The following NUP155 variants were observed in gnomAD, a reference collection of about 807,000 sequenced individuals.
NUP155 encodes nuclear pore complex protein Nup155.
In NUP155, 71 loss-of-function variants were observed where a neutral mutation model predicts 180.4. The ratio of observed to expected loss-of-function variants is 0.39; its 90% CI spans 0.33 to 0.48. NUP155 has a LOEUF of 0.48. NUP155 is among the 20% of genes least tolerant of loss of function. The pLI is 0.91. For missense variants in NUP155, 1,553 were observed against 1,648.9 expected, an observed-to-expected ratio of 0.94 and a Z score of 1.01; for synonymous variants, 582 against 559.5, an observed-to-expected ratio of 1.04 and a Z score of -0.57.
At chr5:37,346,358 T>C (rs920841787) in intron 9 of NUP155, among the ~76,000 whole-genome samples, 2 of 152,086 alleles carry the variant, frequency 1.3e-5, no homozygotes, top group African/African-American at 4.8e-5. Flanking sequence ...GTTGAAAAAT[T>C]TGAGGCCTTC....
chr5:37,364,202 T>C (rs771101580), intron 2 of NUP155, 45 bp downstream of exon 2: 1 of 1,440,176 alleles, frequency 6.9e-7, no homozygotes, highest in Non-Finnish European at 9.7e-7. Flanking sequence ...GAATGAAAAA[T>C]ACCAATTTTA....
At chr5:37,325,118 A>G (rs1744504299) in intron 19 of NUP155, among the ~76,000 whole-genome samples, 1 of 152,112 alleles carries the variant, frequency 6.6e-6, no homozygotes, top group Non-Finnish European at 1.5e-5. Flanking sequence ...GCCATTGCAC[A>G]CCAGCTTGGG....
chr5:37,352,640 T>C, intron 5 of NUP155, 97 bp downstream of exon 5: 2 of 779,216 alleles, frequency 2.6e-6, no homozygotes, highest in East Asian at 2.6e-5. Context: ...TGTGAGTCAA[T>C]GGAATTCAAC....
Position 37,303,391 on chromosome 5 carries a change from T to C in NUP155, c.3186A>G (p.Pro1062=), listed in dbSNP as rs138548491. The C allele has an allele frequency of 5.9e-4, 954 of 1,614,128 alleles. 6 individuals carry two copies. The African/African-American group carries it at 0.011, about 19-fold the overall frequency. The change falls in exon 28 of 35, where the codon CCA becomes CCG. Residue 1062 remains proline (P), a synonymous_variant. Transcript: ENST00000231498. ...CAACTTTGGCCATTCGGACTAGATG[T>C]GGCTCCAGAAATGGAGAAGCAACCT... ...LLQVASPFLE[P]HLVRMAKVDQ... is the part of the protein sequence containing the mutation.
intron 21 of NUP155, among the ~76,000 whole-genome samples, chr5:37,316,119 T>C (rs1056664758): frequency 6.6e-6 from 1 of 152,206 alleles, no homozygotes; most frequent in African/African-American, 2.4e-5. Context: ...CCCATGTTAA[T>C]AGCAGCATTA....
At chr5:37,346,392 T>TG (rs1342749067) in intron 9 of NUP155, among the ~76,000 whole-genome samples, 1 of 152,012 alleles carries the variant, frequency 6.6e-6, no homozygotes, top group African/African-American at 2.4e-5. Context: ...TGTTTGCAGG[T>TG]GGGGTGCAGT....
In NUP155 at chr5:37,291,128, T is replaced by C. The variant is rs1271069559; in HGVS notation, c.*772A>G. 2 of 152,238 alleles carry C rather than the reference T, an allele frequency of 1.3e-5. No individual in the cohort carries two copies. Among genetic ancestry groups the C allele is most frequent in the Middle Eastern group, 3.2e-3 (1 of 316 alleles). The allele number at this position is 152,238 out of a possible 1,614,324, so 9.4% of individuals were successfully genotyped here. A position where few individuals can be genotyped will look rare whatever the true frequency, so the allele number is the denominator to read the frequency against. ...ACAAAACCAGTTGTTAGAGGACAGTTCTTTCAAGGGTGAACCCAACACCTA... is the reference window on the plus strand; with the variant it reads ...ACAAAACCAGTTGTTAGAGGACAGTCCTTTCAAGGGTGAACCCAACACCTA... On this transcript the variant is annotated 3_prime_UTR_variant, in exon 35 of 35. Coordinates refer to ENST00000231498, the MANE Select transcript of NUP155 (RefSeq NM_153485.3).
At chr5:37,308,700 A>AAAAAAAAT (rs548516103) in intron 24 of NUP155, among the ~76,000 whole-genome samples, 7 of 150,454 alleles carry the variant, frequency 4.7e-5, no homozygotes, top group African/African-American at 1.5e-4. Context: ...GTCTCAAAAT[A>AAAAAAAAT]AAAAAAATAA....
intron 13 of NUP155, 53 bp from the exon 14 acceptor site, chr5:37,331,848 T>C (rs1744984156): frequency 5.8e-6 from 6 of 1,038,744 alleles, no homozygotes; most frequent in Admixed American, 1.7e-5. Context: ...GATTGGCTGA[T>C]AGCAACTGAC....
At chr5:37,304,545 G>A (rs1388153120) in intron 27 of NUP155, among the ~76,000 whole-genome samples, 194 bp downstream of exon 27, 4 of 152,094 alleles carry the variant, frequency 2.6e-5, no homozygotes, top group South Asian at 2.1e-4. Context: ...AATCAGCTTC[G>A]AATTAACAAG....
Position 37,317,318 on chromosome 5 carries a change from G to A in NUP155, c.2305+670C>T, listed in dbSNP as rs193075603. Among the ~76,000 whole-genome samples, 194 of 151,938 alleles carry A rather than the reference G, an allele frequency of 1.3e-3. 2 individuals carry two copies. Among genetic ancestry groups the A allele is most frequent in the African/African-American group, 4.5e-3 (185 of 41,428 alleles). ...CAGCCTGACCAACATAAAGAACCCC[G>A]TCTCTTCTGAAAATACAAAATTAGC... On this transcript the variant is annotated intron_variant, in intron 21 of 34. Transcript: ENST00000231498.
chr5:37,359,089 G>A (rs771514020), intron 3 of NUP155, among the ~76,000 whole-genome samples: 15 of 151,394 alleles, frequency 9.9e-5, no homozygotes, highest in Non-Finnish European at 2.2e-4. Context: ...CAGGAGCCCA[G>A]GAGAGTTCAA....
At chr5:37,343,162 C>T (rs879818864) in intron 9 of NUP155, among the ~76,000 whole-genome samples, 16 of 152,182 alleles carry the variant, frequency 1.1e-4, no homozygotes, top group Middle Eastern at 3.4e-3. Flanking sequence ...GCAAGCTCCA[C>T]CTGCCAGGTT....
intron 33 of NUP155, 34 bp downstream of exon 33, chr5:37,294,295 A>C: frequency 7.1e-7 from 1 of 1,406,890 alleles, no homozygotes; most frequent in South Asian, 1.3e-5. Context: ...TTAATTAAAG[A>C]AAATAATTTT....
At chr5:37,300,092 T>C (rs909138538) in intron 30 of NUP155, among the ~76,000 whole-genome samples, 1 of 152,164 alleles carries the variant, frequency 6.6e-6, no homozygotes, top group African/African-American at 2.4e-5. Context: ...GTAGAGCTTT[T>C]TTCTTGGCTG....
At chr5:37,326,967 C>A (rs1238900004) in intron 18 of NUP155, among the ~76,000 whole-genome samples, 1 of 152,180 alleles carries the variant, frequency 6.6e-6, no homozygotes, top group Admixed American at 6.5e-5. Flanking sequence ...CCTCTTCCTA[C>A]TCCTCAGCCT....
intron 1 of NUP155, 68 bp from the exon 2 acceptor site, chr5:37,364,452 G>A (rs897350086): frequency 7.1e-7 from 1 of 1,416,706 alleles, no homozygotes; most frequent in African/African-American, 1.4e-5. Context: ...AAAGGATTGA[G>A]TGCCACAAAA....
intron 32 of NUP155, among the ~76,000 whole-genome samples, chr5:37,297,319 C>T (rs1742640096): frequency 6.6e-6 from 1 of 151,768 alleles, no homozygotes; most frequent in Non-Finnish European, 1.5e-5. Context: ...ACACAAAGCC[C>T]ACATGATTAT....
chr5:37,325,954 C>T lies in NUP155; in HGVS notation c.2038G>A (p.Ala680Thr). ...AATATTCTCTCCACAACTAAGCTTG[C>T]ATCCCAAATGTTTCTGGAAAAAAAA... is the stretch of plus-strand genomic sequence containing the variant. ...FSRIMGNIWD[A>T]SLVVERIFKS... The change falls in exon 19 of 35, where the codon GCA (alanine) becomes ACA (threonine). Residue 680 changes from alanine (A) to threonine (T), a missense_variant. By Grantham distance (58) the Ala-to-Thr change is moderately conservative (BLOSUM62 0). Transcript: ENST00000231498. 6.2e-7 allele frequency: 1 copy of T among 1,608,686 alleles called. No individual in the cohort carries two copies. Among genetic ancestry groups the T allele is most frequent in the Non-Finnish European group, 8.5e-7 (1 of 1,176,492 alleles).
Sources: allele counts gnomAD v4.1 joint callset (sites outside exome capture counted in the v4.1 genomes callset), GRCh38; gene constraint gnomAD v4.1.1; transcripts MANE v1.5; gene names NCBI Gene and HGNC (gene_info 2026-07-23, HGNC 2026-07-21).